Variants in VDAC1 observed in about 807,000 individuals in gnomAD.
VDAC1 encodes the protein non-selective voltage-gated ion channel VDAC1.
A neutral mutation model predicts 34.7 loss-of-function variants in VDAC1; 10 were observed. That is an observed-to-expected ratio of 0.29 (90% CI 0.18 to 0.49). The LOEUF (loss-of-function observed/expected upper bound fraction) is 0.49, where lower values mean the gene tolerates loss of function less well. Among genes scored for constraint, VDAC1 ranks in the 20% least tolerant of loss-of-function variants. The pLI, the probability that VDAC1 is intolerant of heterozygous loss-of-function variation, is 0.99. For synonymous variants in VDAC1, 130 were observed against 136.0 expected (o/e 0.96, Z 0.30); for missense variants, 230 against 347.9 (o/e 0.66, Z 2.69).
At chr5:134,100,224 G>A in the VDAC1 span, among the ~76,000 whole-genome samples, 1 of 152,222 alleles carries the variant, frequency 6.6e-6, no homozygotes, top group Non-Finnish European at 1.5e-5. Context: ...GGAGGAGGAG[G>A]CAGTCAGGGC....
the VDAC1 span, among the ~76,000 whole-genome samples, chr5:134,038,551 G>A: frequency 6.6e-6 from 1 of 152,096 alleles, no homozygotes; most frequent in Non-Finnish European, 1.5e-5. Context: ...ATCATTCAGT[G>A]TAATATGTAT....
chr5:134,096,086 G>A, the VDAC1 span, among the ~76,000 whole-genome samples: 6 of 152,180 alleles, frequency 3.9e-5, no homozygotes, highest in African/African-American at 7.2e-5. Context: ...TCTATCCCGC[G>A]TGCCAGAGGA....
At chr5:134,094,695 CAAAAAAAAAAAAAA>C in the VDAC1 span, among the ~76,000 whole-genome samples, 3 of 68,488 alleles carry the variant, frequency 4.4e-5, no homozygotes, top group African/African-American at 1.3e-4. Context: ...GACTCCGTCT[CAAAAAAAAAAAAAA>C]AAAAAAAAAA....
chr5:133,996,277 G>C (rs1434694094), intron 1 of VDAC1, among the ~76,000 whole-genome samples: 1 of 152,162 alleles, frequency 6.6e-6, no homozygotes, highest in Non-Finnish European at 1.5e-5. Flanking sequence ...AGAAGGACCA[G>C]CAAGTCACAC....
Position 133,992,963 on chromosome 5 carries a change from A to G in VDAC1, c.50T>C (p.Val17Ala). 16 of 1,613,768 alleles carry G rather than the reference A, an allele frequency of 9.9e-6. No homozygotes were observed. Among genetic ancestry groups the G allele is most frequent in the Non-Finnish European group, 1.4e-5 (16 of 1,179,754 alleles). The stretch of plus-strand genomic sequence containing the variant: ...ACACTCACCATAGCCCTTGGTGAAG[A>G]CATCCCTGGCAGATTTGCCAAGATC... ...YADLGKSARD[V>A]FTKGYGFGLI... Residue 17 changes from valine to alanine, a missense_variant, in exon 2 of 9, where the codon GTC (valine) becomes GCC (alanine). Coordinates refer to ENST00000265333, the MANE Select transcript of VDAC1 (RefSeq NM_003374.3).
the VDAC1 span, among the ~76,000 whole-genome samples, chr5:134,086,614 C>T: frequency 6.6e-6 from 1 of 152,328 alleles, no homozygotes; most frequent in East Asian, 1.9e-4. Flanking sequence ...TCCTCCTGTC[C>T]CAGGACCTCC....
upstream of VDAC1, among the ~76,000 whole-genome samples, chr5:134,007,153 A>T (rs1394478478): frequency 6.6e-6 from 1 of 152,020 alleles, no homozygotes; most frequent in Non-Finnish European, 1.5e-5. Context: ...CTAAGGCAGG[A>T]GAATTGCTTG....
chr5:134,045,358 C>T, the VDAC1 span, among the ~76,000 whole-genome samples: 1 of 152,196 alleles, frequency 6.6e-6, no homozygotes, highest in African/African-American at 2.4e-5. Flanking sequence ...TGGCTTAAAA[C>T]AGCAAAATGT....
the VDAC1 span, among the ~76,000 whole-genome samples, chr5:134,101,388 G>C: frequency 6.6e-6 from 1 of 152,090 alleles, no homozygotes; most frequent in Non-Finnish European, 1.5e-5. Flanking sequence ...TCAGTAGTTC[G>C]AGACCAGCCC....
the VDAC1 span, among the ~76,000 whole-genome samples, chr5:134,022,946 C>G: frequency 6.6e-6 from 1 of 152,172 alleles, no homozygotes; most frequent in African/African-American, 2.4e-5. Flanking sequence ...ACCAGAAATA[C>G]CATTTGACCC....
At chr5:134,001,493 G>C (rs895437247) in intron 1 of VDAC1, among the ~76,000 whole-genome samples, 1 of 152,046 alleles carries the variant, frequency 6.6e-6, no homozygotes, top group South Asian at 2.1e-4. Flanking sequence ...GAGGCGGGTG[G>C]ATCAGGAGGT....
At position 133,992,276 on chromosome 5, in the gene VDAC1, C is replaced by A. The variant is rs756852789; in HGVS notation, c.117+30G>T. The A allele has an allele frequency of 3.4e-6, 5 of 1,480,158 alleles. No individual in the cohort carries two copies. The South Asian group carries it at 5.9e-5, about 17-fold the overall frequency. 91.7% of individuals were successfully genotyped at this position (1,480,158 alleles called of 1,614,324 possible). A position where few individuals can be genotyped will look rare whatever the true frequency, so the allele number is the denominator to read the frequency against. ...AAAATAAAATAAAAATAAATAAATA[C>A]TCATGTTCCATGTGGGTTGGACAAC... On this transcript the variant is annotated intron_variant, in intron 3 of 8. Coordinates refer to ENST00000265333, the MANE Select transcript of VDAC1 (RefSeq NM_003374.3).
the VDAC1 span, among the ~76,000 whole-genome samples, chr5:134,017,194 C>T: frequency 5.9e-5 from 9 of 152,112 alleles, no homozygotes; most frequent in East Asian, 3.8e-4. Flanking sequence ...AAGCCGGGCG[C>T]GGTGGCTCAT....
At chr5:134,104,028 C>A in the VDAC1 span, among the ~76,000 whole-genome samples, 1 of 152,316 alleles carries the variant, frequency 6.6e-6, no homozygotes, top group East Asian at 1.9e-4. Context: ...TGGAGGGACC[C>A]ACCCGGCCCA....
the VDAC1 span, among the ~76,000 whole-genome samples, chr5:134,033,979 G>A: frequency 7.2e-5 from 11 of 151,832 alleles, no homozygotes; most frequent in South Asian, 1.7e-3. Flanking sequence ...GCAACAGAGC[G>A]AGACTCCGTC....
At chr5:133,979,787 T>C (rs956554012) in intron 6 of VDAC1, among the ~76,000 whole-genome samples, 48 of 152,310 alleles carry the variant, frequency 3.2e-4, no homozygotes, top group Non-Finnish European at 5.9e-4. Context: ...CACAGATTAA[T>C]GTAACCATGA....
At chr5:134,057,563 C>T in the VDAC1 span, among the ~76,000 whole-genome samples, 3,075 of 150,394 alleles carry the variant, frequency 0.02, 47 homozygotes, top group Non-Finnish European at 0.033. Flanking sequence ...GTGGCTCATG[C>T]CTGTAATCTC....
At chr5:134,015,876 C>T in the VDAC1 span, among the ~76,000 whole-genome samples, 1 of 152,186 alleles carries the variant, frequency 6.6e-6, no homozygotes, top group Non-Finnish European at 1.5e-5. Context: ...AACTCCTGAC[C>T]TTGTGATCTG....
chr5:134,094,763 G>A, the VDAC1 span, among the ~76,000 whole-genome samples: 1 of 151,112 alleles, frequency 6.6e-6, no homozygotes, highest in African/African-American at 2.4e-5. Context: ...CCCAGTGAGA[G>A]GCCCTAATGC....
Sources: gnomAD v4.1 joint callset for allele counts (sites outside exome capture counted in the v4.1 genomes callset) on GRCh38, gnomAD v4.1.1 for gene constraint, MANE v1.5 for transcripts, NCBI Gene and HGNC (gene_info 2026-07-23, HGNC 2026-07-21) for gene names.